Variants in FSTL4 observed in about 807,000 individuals in gnomAD.
FSTL4 encodes the protein follistatin like 4.
FSTL4 carries 28 observed loss-of-function variants against 78.2 expected under a neutral mutation model. That is an observed-to-expected ratio of 0.36 (90% confidence interval 0.27 to 0.49). FSTL4 has a LOEUF of 0.49. Ranked by LOEUF, FSTL4 falls within the 20% of genes least tolerant of loss-of-function variation. The pLI is 0.98. For synonymous variants in FSTL4, 422 were observed against 440.5 expected (o/e 0.96, Z 0.53); for missense variants, 922 against 1,084.9 (o/e 0.85, Z 2.11).
intron 3 of FSTL4, among the ~76,000 whole-genome samples, chr5:133,494,967 T>C (rs914331563): frequency 6.6e-6 from 1 of 152,226 alleles, no homozygotes; most frequent in African/African-American, 2.4e-5. Context: ...TTTTGACTGG[T>C]GAGGCTGTAA....
At chr5:133,544,763 GT>G (rs1759541616) in intron 3 of FSTL4, among the ~76,000 whole-genome samples, 1 of 152,184 alleles carries the variant, frequency 6.6e-6, no homozygotes, top group African/African-American at 2.4e-5. Flanking sequence ...CCTGAATAGG[GT>G]TTCTCTTTGG....
At chr5:133,762,785 G>T in the FSTL4 span, among the ~76,000 whole-genome samples, 14 of 152,098 alleles carry the variant, frequency 9.2e-5, no homozygotes, top group Non-Finnish European at 1.6e-4. Context: ...TAAAGCCCTA[G>T]ACTTTGTTCT....
intron 2 of FSTL4, among the ~76,000 whole-genome samples, chr5:133,570,365 C>T (rs1329592078): frequency 6.6e-6 from 1 of 151,784 alleles, no homozygotes; most frequent in Non-Finnish European, 1.5e-5. Flanking sequence ...CACTGTGGCC[C>T]CGGCTGGAGT....
the FSTL4 span, among the ~76,000 whole-genome samples, chr5:133,818,036 T>C: frequency 6.6e-6 from 1 of 152,242 alleles, no homozygotes; most frequent in Non-Finnish European, 1.5e-5. Flanking sequence ...CATGGCAACC[T>C]TATCCAAGAG....
intron 3 of FSTL4, among the ~76,000 whole-genome samples, chr5:133,474,651 C>T (rs1441602015): frequency 6.6e-6 from 1 of 152,168 alleles, no homozygotes; most frequent in Non-Finnish European, 1.5e-5. Flanking sequence ...CCTACCCTGG[C>T]ATTAATAAGG....
chr5:133,246,375 C>A (rs1275516116), intron 7 of FSTL4, among the ~76,000 whole-genome samples: 1 of 152,240 alleles, frequency 6.6e-6, no homozygotes, highest in Non-Finnish European at 1.5e-5. Flanking sequence ...CTTTAGCCCC[C>A]TTCAGCCTGA....
intron 3 of FSTL4, among the ~76,000 whole-genome samples, chr5:133,469,727 C>G (rs1165440608): frequency 1.3e-5 from 2 of 152,062 alleles, no homozygotes; most frequent in Admixed American, 6.6e-5. Flanking sequence ...GGAAGAGGCA[C>G]CCTTGGTGAG....
chr5:133,664,351 C>T, the FSTL4 span, among the ~76,000 whole-genome samples: 1 of 152,048 alleles, frequency 6.6e-6, no homozygotes, highest in Non-Finnish European at 1.5e-5. Flanking sequence ...TTCCTAGGCA[C>T]ATTAACTCTT....
At chr5:133,697,222 A>G in the FSTL4 span, among the ~76,000 whole-genome samples, 1 of 152,196 alleles carries the variant, frequency 6.6e-6, no homozygotes, top group Non-Finnish European at 1.5e-5. Context: ...GAGGCACCAC[A>G]TGAGAATCCT....
the FSTL4 span, among the ~76,000 whole-genome samples, chr5:133,702,986 T>G: frequency 6.6e-6 from 1 of 152,172 alleles, no homozygotes; most frequent in Non-Finnish European, 1.5e-5. Flanking sequence ...TGCCCCACCG[T>G]GATCTGTCTG....
chr5:133,569,703 C>G (rs1022027957), intron 2 of FSTL4, among the ~76,000 whole-genome samples: 1 of 152,130 alleles, frequency 6.6e-6, no homozygotes, highest in Admixed American at 6.6e-5. Flanking sequence ...CTCCTTAGTT[C>G]TATTAATAGG....
the FSTL4 span, among the ~76,000 whole-genome samples, chr5:133,649,672 A>G: frequency 3.3e-5 from 5 of 152,142 alleles, no homozygotes; most frequent in African/African-American, 1.2e-4. Flanking sequence ...GATGCCTGTT[A>G]AGGTCTTTGG....
At chr5:133,256,160 G>A (rs1170837273) in intron 6 of FSTL4, among the ~76,000 whole-genome samples, 1 of 152,172 alleles carries the variant, frequency 6.6e-6, no homozygotes, top group Non-Finnish European at 1.5e-5. Flanking sequence ...GCAAACTCAG[G>A]CTCAGGGGCC....
rs539798576 is a variant in FSTL4, at chr5:133,552,306, T to G, written c.160+14880A>C. Among the ~76,000 whole-genome samples the G allele has an allele frequency of 7.9e-5, 12 of 152,316 alleles. No individual in the cohort carries two copies. The East Asian group carries it at 2.3e-3, about 29-fold the overall frequency. On this transcript the variant is annotated intron_variant, in intron 3 of 15. Coordinates refer to ENST00000265342, the MANE Select transcript of FSTL4 (RefSeq NM_015082.2). ...TGGGTCTTCTGGAATTTCTACTTGG[T>G]CATATTTATTCTACAGAACTGTATC...
At chr5:133,376,219 G>A (rs1331862165) in intron 4 of FSTL4, among the ~76,000 whole-genome samples, 1 of 152,184 alleles carries the variant, frequency 6.6e-6, no homozygotes, top group Non-Finnish European at 1.5e-5. Flanking sequence ...ATTGGTGCAG[G>A]AATAGATCAA....
chr5:133,214,593 C>A (rs1277893745), intron 13 of FSTL4, among the ~76,000 whole-genome samples: 1 of 152,186 alleles, frequency 6.6e-6, no homozygotes, highest in Non-Finnish European at 1.5e-5. Context: ...CCTCTCTCTT[C>A]AAACCTCCAG....
At chr5:133,624,593 C>CTT in the FSTL4 span, among the ~76,000 whole-genome samples, 1 of 151,688 alleles carries the variant, frequency 6.6e-6, no homozygotes, top group Non-Finnish European at 1.5e-5. Flanking sequence ...ATGAATTTCA[C>CTT]TTCCAAACAA....
chr5:133,693,123 A>T, the FSTL4 span, among the ~76,000 whole-genome samples: 2 of 152,144 alleles, frequency 1.3e-5, no homozygotes, highest in African/African-American at 2.4e-5. Flanking sequence ...CTCCTGGCTC[A>T]CCCTTCTGGG....
At chr5:133,216,615 T>C (rs1483654440) in intron 13 of FSTL4, among the ~76,000 whole-genome samples, 6 of 152,236 alleles carry the variant, frequency 3.9e-5, no homozygotes, top group Admixed American at 3.9e-4. Context: ...CCTCCCAAAG[T>C]GCTGGGATTA....
Sources: gnomAD v4.1 joint callset for allele counts (sites outside exome capture counted in the v4.1 genomes callset) on GRCh38, gnomAD v4.1.1 for gene constraint, MANE v1.5 for transcripts, NCBI Gene and HGNC (gene_info 2026-07-23, HGNC 2026-07-21) for gene names.